EPB41L2: variants seen among roughly 807,000 people sequenced by gnomAD.
EPB41L2 encodes erythrocyte membrane protein band 4.1 like 2.
In EPB41L2, 43 loss-of-function variants were observed where a neutral mutation model predicts 113.0. The observed-to-expected ratio is 0.38, with a 90% CI of 0.30 to 0.49. EPB41L2 has a LOEUF of 0.49. Ranked by LOEUF, EPB41L2 falls within the 20% of genes least tolerant of loss-of-function variation. The pLI, the probability that EPB41L2 is intolerant of heterozygous loss-of-function variation, is 0.95. For synonymous variants in EPB41L2, 442 were observed against 436.7 expected (o/e 1.01, Z -0.15); for missense variants, 1,147 against 1,223.4 (o/e 0.94, Z 0.93).
chr6:130,940,461 T>C lies in EPB41L2; in HGVS notation c.706-13752A>G, dbSNP rs1029969524. Among the ~76,000 whole-genome samples, 6 of 150,902 alleles carry C rather than the reference T, an allele frequency of 4.0e-5. No individual in the cohort carries two copies. The Admixed American group carries it at 4.0e-4, about 10-fold the overall frequency. On this transcript the variant is annotated intron_variant, in intron 3 of 19. Transcript: ENST00000337057. ...GGTATAGCTGAGTTTTTCCTAAATATATCTTTTTTTTTTTTCTTTTGGGAG... is the reference window on the plus strand; with the variant it reads ...GGTATAGCTGAGTTTTTCCTAAATACATCTTTTTTTTTTTTCTTTTGGGAG...
chr6:131,025,004 C>T (rs1314681990), intron 1 of EPB41L2, among the ~76,000 whole-genome samples: 1 of 152,096 alleles, frequency 6.6e-6, no homozygotes, highest in African/African-American at 2.4e-5. Context: ...CAGTTCAGCC[C>T]ACCATCTTCT....
chr6:130,894,477 C>T (rs1276081751), intron 9 of EPB41L2, 36 bp from the exon 10 acceptor site: 1 of 1,572,222 alleles, frequency 6.4e-7, no homozygotes. Context: ...AGCATATTTC[C>T]TTAAGAACTG....
At chr6:130,867,776 A>C in intron 15 of EPB41L2, 195 bp from the exon 16 acceptor site, 1 of 580,754 alleles carries the variant, frequency 1.7e-6, no homozygotes, top group Admixed American at 2.9e-5. Flanking sequence ...TCATATATAC[A>C]CATACATACA....
At chr6:131,049,964 A>G (rs1312397807) in intron 1 of EPB41L2, among the ~76,000 whole-genome samples, 1 of 152,232 alleles carries the variant, frequency 6.6e-6, no homozygotes. Flanking sequence ...AAGCTCCATT[A>G]GTAACTGCTC....
intron 1 of EPB41L2, among the ~76,000 whole-genome samples, chr6:131,005,833 AAAC>A (rs1785378391): frequency 6.6e-6 from 1 of 152,304 alleles, no homozygotes; most frequent in East Asian, 1.9e-4. Context: ...GTTTTAATGA[AAAC>A]AACATTTTTA....
At chr6:130,928,704 G>A (rs1256503518) in intron 3 of EPB41L2, among the ~76,000 whole-genome samples, 2 of 152,210 alleles carry the variant, frequency 1.3e-5, no homozygotes, top group Non-Finnish European at 2.9e-5. Context: ...CAATTTGGCA[G>A]TACATGAGGT....
At chr6:130,882,422 T>C (rs1789608300) in intron 12 of EPB41L2, 1 of 152,644 alleles carries the variant, frequency 6.6e-6, no homozygotes, top group African/African-American at 2.4e-5. Context: ...TAATCAGTGG[T>C]GAAATGTATG....
intron 16 of EPB41L2, 125 bp downstream of exon 16, chr6:130,867,334 C>A: frequency 2.4e-6 from 3 of 1,231,188 alleles, no homozygotes; most frequent in Non-Finnish European, 3.4e-6. Context: ...AGTACACTTA[C>A]AAAGTGCAGA....
intron 3 of EPB41L2, among the ~76,000 whole-genome samples, chr6:130,935,835 A>C (rs1808596756): frequency 1.3e-5 from 2 of 152,166 alleles, no homozygotes; most frequent in South Asian, 4.1e-4. Flanking sequence ...ATCTCCAAAC[A>C]GGTATGCAGA....
chr6:130,899,416 TCCTGAAACTGGAGC>T lies in EPB41L2; in HGVS notation c.1236+61_1236+74del. On this transcript the variant is annotated intron_variant, in intron 8 of 19. Transcript: ENST00000337057. ...CTTTTCCCAAAAATAAGCTGTGCTA[TCCTGAAACTGGAGC>T]CCTCTCAAAACCTCAGTCAACAGAC... 7 of 1,171,430 alleles carry T rather than the reference TCCTGAAACTGGAGC, an allele frequency of 6.0e-6. 1 individual carries two copies. In the South Asian group the frequency reaches 8.8e-5, roughly 15 times the overall value. 72.6% of individuals were successfully genotyped at this position (1,171,430 alleles called of 1,614,324 possible).
intron 1 of EPB41L2, among the ~76,000 whole-genome samples, chr6:130,962,683 T>C (rs928407151): frequency 6.6e-6 from 1 of 152,238 alleles, no homozygotes; most frequent in African/African-American, 2.4e-5. Flanking sequence ...ACATATGAAC[T>C]ACAATCTTCC....
rs933894821 is a variant in EPB41L2, at chr6:130,901,121, A to G, written c.989T>C (p.Phe330Ser). Reference sequence around the variant, plus strand: ...GGATCCCAGGAGAGCATGAGTCACAAAAGAGCAGGGCAGGCGGCCAGAGGC... The same window carrying G: ...GGATCCCAGGAGAGCATGAGTCACAGAAGAGCAGGGCAGGCGGCCAGAGGC... ...DIASGRLPCS[F>S]VTHALLGSYT... Residue 330 changes from phenylalanine (F) to serine (S), a missense_variant, in exon 7 of 20, where the codon TTT becomes TCT. Physicochemically the swap from Phe to Ser is radical, Grantham distance 155 (BLOSUM62 -2). Transcript: ENST00000337057. 2 of 1,614,118 alleles carry G rather than the reference A, an allele frequency of 1.2e-6. No homozygotes were observed. Among genetic ancestry groups the G allele is most frequent in the South Asian group, 1.1e-5 (1 of 91,080 alleles).
intron 1 of EPB41L2, among the ~76,000 whole-genome samples, chr6:131,058,671 A>G (rs1428875810): frequency 6.6e-6 from 1 of 152,226 alleles, no homozygotes; most frequent in Non-Finnish European, 1.5e-5. Context: ...CATATGAAAT[A>G]CACACACATA....
chr6:130,976,364 T>G (rs927028012), intron 1 of EPB41L2, among the ~76,000 whole-genome samples: 13 of 152,196 alleles, frequency 8.5e-5, no homozygotes, highest in African/African-American at 3.1e-4. Context: ...ACCAGAATAA[T>G]GTATACAACT....
chr6:131,030,574 C>T (rs1382967464), intron 1 of EPB41L2, among the ~76,000 whole-genome samples: 1 of 152,140 alleles, frequency 6.6e-6, no homozygotes, highest in African/African-American at 2.4e-5. Flanking sequence ...TTTAAATAGA[C>T]AATTTTTCAA....
chr6:130,867,619 G>A, intron 15 of EPB41L2, 38 bp from the exon 16 acceptor site: 1 of 1,610,464 alleles, frequency 6.2e-7, no homozygotes, highest in Non-Finnish European at 8.5e-7. Context: ...AATTCTAGAG[G>A]TAATAAAGTA....
chr6:131,030,964 C>T (rs1388150187), intron 1 of EPB41L2, among the ~76,000 whole-genome samples: 1 of 151,528 alleles, frequency 6.6e-6, no homozygotes, highest in East Asian at 1.9e-4. Context: ...CAGTGGCACG[C>T]ACCAGTAGTC....
chr6:130,867,612 T>G (rs1211428750), intron 15 of EPB41L2, 31 bp from the exon 16 acceptor site: 2 of 1,612,600 alleles, frequency 1.2e-6, no homozygotes, highest in Admixed American at 3.3e-5. Flanking sequence ...AAAAATAAAT[T>G]CTAGAGGTAA....
chr6:130,919,077 T>G (rs1296651252), intron 4 of EPB41L2, among the ~76,000 whole-genome samples: 1 of 152,164 alleles, frequency 6.6e-6, no homozygotes, highest in African/African-American at 2.4e-5. Context: ...ATATGAATAA[T>G]TAAAGATATT....
Sources: allele counts gnomAD v4.1 joint callset (sites outside exome capture counted in the v4.1 genomes callset), GRCh38; gene constraint gnomAD v4.1.1; transcripts MANE v1.5; gene names NCBI Gene and HGNC (gene_info 2026-07-23, HGNC 2026-07-21).